TMCO6: variants seen among roughly 807,000 people sequenced by gnomAD.
TMCO6 encodes transmembrane and coiled-coil domains 6.
Under a neutral mutation model 61.8 loss-of-function variants are expected in TMCO6, and 47 were observed. The observed-to-expected ratio is 0.76, with a 90% CI of 0.60 to 0.97. TMCO6 has a LOEUF of 0.97. Ranked by LOEUF, TMCO6 falls within the 50% of genes least tolerant of loss-of-function variation. TMCO6 has a pLI of 0.00. For missense variants in TMCO6, 557 were observed against 601.6 expected, an observed-to-expected ratio of 0.93 and a Z score of 0.78; for synonymous variants, 261 against 254.2, an observed-to-expected ratio of 1.03 and a Z score of -0.25.
chr5:140,605,104 T>C, the TMCO6 span, among the ~76,000 whole-genome samples: 1 of 152,232 alleles, frequency 6.6e-6, no homozygotes, highest in Non-Finnish European at 1.5e-5. Flanking sequence ...TGAAAACATG[T>C]AAATGAAATT....
chr5:140,600,784 C>T, the TMCO6 span, among the ~76,000 whole-genome samples: 2 of 152,084 alleles, frequency 1.3e-5, no homozygotes, highest in Admixed American at 1.3e-4. Context: ...AATTTATGTG[C>T]CTTCTGTTTA....
At chr5:140,632,875 TGCAGAC>T in the TMCO6 span, 1 of 1,614,134 alleles carries the variant, frequency 6.2e-7, no homozygotes, top group Non-Finnish European at 8.5e-7. The surrounding 1 kb of genome is among the most constrained non-coding windows in gnomAD (Gnocchi z 6.2). Context: ...TCGGAGAAGT[TGCAGAC>T]GCAGCGGAAA....
chr5:140,601,479 G>A, the TMCO6 span, among the ~76,000 whole-genome samples: 159 of 152,268 alleles, frequency 1.0e-3, 1 homozygote, highest in African/African-American at 3.7e-3. Flanking sequence ...ACAACAGCAG[G>A]GGCTCCCTTT....
chr5:140,642,161 G>A, intron 4 of TMCO6, 108 bp downstream of exon 4: 1 of 1,469,870 alleles, frequency 6.8e-7, no homozygotes. Context: ...TTGCCCTTAT[G>A]CCTACAGCCA....
At chr5:140,623,095 T>A in the TMCO6 span, among the ~76,000 whole-genome samples, 1 of 151,980 alleles carries the variant, frequency 6.6e-6, no homozygotes, top group Non-Finnish European at 1.5e-5. Flanking sequence ...AATTAAGGAG[T>A]GTGTAAGCAG....
At chr5:140,645,421 G>C, downstream of TMCO6, 1 of 903,554 alleles carries the variant, frequency 1.1e-6, no homozygotes, top group Non-Finnish European at 1.8e-6. Flanking sequence ...TTGCCTCAGT[G>C]GTTGCACAGT....
At chr5:140,628,945 C>T in the TMCO6 span, among the ~76,000 whole-genome samples, 1 of 152,162 alleles carries the variant, frequency 6.6e-6, no homozygotes, top group East Asian at 1.9e-4. Context: ...GATTCATATC[C>T]TGGATATGTG....
chr5:140,647,302 T>G (rs1201432218), downstream of TMCO6: 6 of 1,583,542 alleles, frequency 3.8e-6, no homozygotes, highest in Non-Finnish European at 4.3e-6. Context: ...ATTCGCGGAT[T>G]AGGATGGGTA....
the TMCO6 span, chr5:140,633,242 A>G: frequency 2.6e-6 from 2 of 761,434 alleles, no homozygotes; most frequent in African/African-American, 1.7e-5. Flanking sequence ...TCCTCTGTGA[A>G]CCCTGATCAC....
At chr5:140,619,250 C>T in the TMCO6 span, among the ~76,000 whole-genome samples, 11 of 152,180 alleles carry the variant, frequency 7.2e-5, no homozygotes, top group African/African-American at 2.7e-4. Context: ...ATTGACAGAG[C>T]AGGAGCACCA....
Position 140,644,188 on chromosome 5 carries a change from C to T in TMCO6, c.1194C>T (p.Ser398=), listed in dbSNP as rs753227016. The T allele has an allele frequency of 6.2e-6, 10 of 1,613,850 alleles. No homozygotes were observed. The highest frequency in any genetic ancestry group is 4.4e-5 in the South Asian group (4 of 91,068). Reference sequence around the variant, plus strand: ...TGTTGCCAGTATCTAACGTGGTGAGCGTAATGGTATGTATTGGGGTTACTT... The same window carrying T: ...TGTTGCCAGTATCTAACGTGGTGAGTGTAATGGTATGTATTGGGGTTACTT... The part of the protein sequence containing the change: ...LQLLPVSNVV[S]VMVLTVLCNV... Residue 398 remains serine (S), a synonymous_variant, in exon 10 of 12, where the codon AGC becomes AGT. Coordinates refer to ENST00000394671, the MANE Select transcript of TMCO6 (RefSeq NM_018502.5).
rs571625114 is a variant in TMCO6, at chr5:140,639,485, T to C, written c.-43T>C. 4 of 1,535,152 alleles carry C rather than the reference T, an allele frequency of 2.6e-6. No homozygotes were observed. The highest frequency in any genetic ancestry group is 1.4e-5 in the African/African-American group (1 of 72,792). ...GCCATCTTCTACGCCCCTGGGAGCG[T>C]TGTGGCTGCTGTTTCCTTCGGCTTT... On this transcript the variant is annotated 5_prime_UTR_variant, in exon 1 of 12. Coordinates refer to ENST00000394671, the MANE Select transcript of TMCO6 (RefSeq NM_018502.5).
the TMCO6 span, among the ~76,000 whole-genome samples, chr5:140,600,661 C>T: frequency 4.6e-5 from 7 of 152,126 alleles, no homozygotes; most frequent in East Asian, 1.9e-4. Context: ...GACAGGGTTT[C>T]GTCATTTTGG....
In TMCO6 at chr5:140,642,650, A is replaced by G. The variant is rs1315598212; in HGVS notation, c.668A>G (p.Glu223Gly). 1 of 1,614,192 alleles carries G rather than the reference A, an allele frequency of 6.2e-7. No homozygotes were observed. The highest frequency in any genetic ancestry group is 1.7e-5 in the Admixed American group (1 of 60,020). Residue 223 changes from glutamate (E) to glycine (G), a missense_variant, in exon 6 of 12, where the codon GAA becomes GGA. Coordinates refer to ENST00000394671, the MANE Select transcript of TMCO6 (RefSeq NM_018502.5). ...TTGTCCCAGCTTCTACAGGCTGAGG[A>G]AGCTCCAGAGAAGATCATTCCGTGA... ...YALSQLLQAE[E>G]APEKIIPSIL...
At chr5:140,619,821 G>A in the TMCO6 span, among the ~76,000 whole-genome samples, 2 of 152,120 alleles carry the variant, frequency 1.3e-5, no homozygotes, top group Non-Finnish European at 1.5e-5. Context: ...TCAGGAAAAT[G>A]CAAATGAAAA....
At chr5:140,631,550 C>A in the TMCO6 span, among the ~76,000 whole-genome samples, 1 of 152,140 alleles carries the variant, frequency 6.6e-6, no homozygotes, top group African/African-American at 2.4e-5. Flanking sequence ...CCCATGCAGC[C>A]CTAGCCAGGA....
At position 140,643,621 on chromosome 5, in the gene TMCO6, G is replaced by A; in HGVS notation, c.864G>A (p.Leu288=). The A allele has an allele frequency of 6.2e-7, 1 of 1,614,072 alleles. No individual in the cohort carries two copies. The highest frequency in any genetic ancestry group is 8.5e-7 in the Non-Finnish European group (1 of 1,179,980). Residue 288 remains leucine (L), a synonymous_variant, in exon 8 of 12, where the codon CTG becomes CTA. Transcript: ENST00000394671. ...GHGALSTLGL[L]LLDLAGAVQK... ...GGGCTCTGTCTACTCTGGGGTTGCTGCTGTTGGACTTGGCTGGGGCTGTCC... is the reference window on the plus strand; with the variant it reads ...GGGCTCTGTCTACTCTGGGGTTGCTACTGTTGGACTTGGCTGGGGCTGTCC...
downstream of TMCO6, chr5:140,647,248 G>T: frequency 6.5e-7 from 1 of 1,540,016 alleles, no homozygotes; most frequent in Non-Finnish European, 8.7e-7. Context: ...CTGGCGTCCC[G>T]CACTCACCGT....
the TMCO6 span, among the ~76,000 whole-genome samples, chr5:140,627,579 G>C: frequency 6.6e-6 from 1 of 152,078 alleles, no homozygotes; most frequent in East Asian, 1.9e-4. Flanking sequence ...TAATTTTTCT[G>C]ACAAAATATT....
Sources: gnomAD v4.1 joint callset for allele counts (sites outside exome capture counted in the v4.1 genomes callset) on GRCh38, gnomAD v4.1.1 for gene constraint, Gnocchi (gnomAD v3.1) non-coding constraint, MANE v1.5 for transcripts, NCBI Gene and HGNC (gene_info 2026-07-23, HGNC 2026-07-21) for gene names.